Variants in CEP85 observed in about 807,000 individuals in gnomAD.
CEP85 encodes centrosomal protein of 85 kDa.
Under a neutral mutation model 93.7 loss-of-function variants are expected in CEP85, and 58 were observed. That is an observed-to-expected ratio of 0.62 (90% CI 0.50 to 0.77). CEP85 has a LOEUF of 0.77. Among genes scored for constraint, CEP85 ranks in the 30% least tolerant of loss-of-function variants. The pLI is 0.00. For missense variants in CEP85, 868 were observed against 922.0 expected (o/e 0.94, Z 0.76); for synonymous variants, 314 against 338.6 (o/e 0.93, Z 0.80).
intron 11 of CEP85, 41 bp from the exon 12 acceptor site, chr1:26,274,923 A>G: frequency 2.7e-6 from 4 of 1,487,154 alleles, no homozygotes; most frequent in Non-Finnish European, 3.7e-6. Context: ...CAGACTTGTT[A>G]CCCCTACTGT....
intron 1 of CEP85, among the ~76,000 whole-genome samples, chr1:26,234,871 GA>G (rs2089299933): frequency 6.6e-6 from 1 of 152,198 alleles, no homozygotes; most frequent in South Asian, 2.1e-4. Flanking sequence ...CTTCCCTGGG[GA>G]CATTGGTCGA....
In CEP85 at chr1:26,271,117, G is replaced by C. The variant is rs775875408; in HGVS notation, c.1743+10G>C. On this transcript the variant is annotated intron_variant, in intron 10 of 13. Transcript: ENST00000451429. ...CGATTCGCTCCAAAAGGTGACTGAGGGTGTCCAGGCTGTAACGGAGGGTAG... is the reference window on the plus strand; with the variant it reads ...CGATTCGCTCCAAAAGGTGACTGAGCGTGTCCAGGCTGTAACGGAGGGTAG... 1.3e-6 allele frequency: 2 copies of C among 1,571,306 alleles called. No individual in the cohort carries two copies. Among genetic ancestry groups the C allele is most frequent in the Admixed American group, 3.3e-5 (2 of 59,926 alleles).
chr1:26,256,065 A>G (rs1388841626), intron 4 of CEP85, among the ~76,000 whole-genome samples, 200 bp downstream of exon 4: 3 of 152,234 alleles, frequency 2.0e-5, no homozygotes, highest in Non-Finnish European at 4.4e-5. Flanking sequence ...AGGGTCTCCA[A>G]AATAGCAAAA....
chr1:26,241,216 T>C (rs985832618), intron 2 of CEP85, among the ~76,000 whole-genome samples: 1 of 148,394 alleles, frequency 6.7e-6, no homozygotes, highest in East Asian at 1.9e-4. Flanking sequence ...AAGCTTTGGT[T>C]GAATCAATTC....
intron 11 of CEP85, among the ~76,000 whole-genome samples, chr1:26,273,924 A>ATAAC (rs1339125246): frequency 7.0e-6 from 1 of 143,004 alleles, no homozygotes; most frequent in Non-Finnish European, 1.5e-5. Context: ...AAATAAATAA[A>ATAAC]TAAATAAAAT....
chr1:26,272,134 C>T (rs1450351760), intron 11 of CEP85, 63 bp downstream of exon 11: 2 of 1,520,736 alleles, frequency 1.3e-6, no homozygotes, highest in Admixed American at 1.7e-5. Flanking sequence ...AGAATTTAGC[C>T]AATATTTATT....
chr1:26,252,006 G>A (rs527726830), intron 3 of CEP85, among the ~76,000 whole-genome samples: 19 of 152,068 alleles, frequency 1.2e-4, no homozygotes, highest in Non-Finnish European at 2.6e-4. Flanking sequence ...GCCGAGACAG[G>A]TGAATCACTT....
At chr1:26,251,136 T>C (rs2089606727) in intron 3 of CEP85, among the ~76,000 whole-genome samples, 1 of 150,846 alleles carries the variant, frequency 6.6e-6, no homozygotes, top group African/African-American at 2.4e-5. Context: ...AGAGATGGGG[T>C]TTCACCATGT....
At chr1:26,276,009 G>A (rs576482711) in intron 12 of CEP85, among the ~76,000 whole-genome samples, 6 of 152,232 alleles carry the variant, frequency 3.9e-5, no homozygotes, top group Non-Finnish European at 5.9e-5. Context: ...CCAGGTTCCA[G>A]CTTCTCCAGC....
At chr1:26,248,320 T>C (rs1463480162) in intron 3 of CEP85, among the ~76,000 whole-genome samples, 5 of 152,298 alleles carry the variant, frequency 3.3e-5, no homozygotes, top group African/African-American at 1.2e-4. Context: ...TGGTCTAGAT[T>C]TTTCCCCCAT....
At chr1:26,238,110 A>C (rs1248786070) in intron 1 of CEP85, among the ~76,000 whole-genome samples, 1 of 150,306 alleles carries the variant, frequency 6.7e-6, no homozygotes, top group Admixed American at 6.6e-5. Flanking sequence ...AGAGAATACT[A>C]TAGAGGTCAC....
At chr1:26,256,351 T>TG (rs2089700965) in intron 4 of CEP85, among the ~76,000 whole-genome samples, 1 of 151,666 alleles carries the variant, frequency 6.6e-6, no homozygotes, top group African/African-American at 2.4e-5. Context: ...GCCAGCAGAG[T>TG]GAAACCCTGC....
At chr1:26,241,505 A>G (rs2089425696) in intron 2 of CEP85, among the ~76,000 whole-genome samples, 1 of 152,096 alleles carries the variant, frequency 6.6e-6, no homozygotes, top group African/African-American at 2.4e-5. Context: ...GGGCCTCGCA[A>G]AGTGCTGGGA....
intron 10 of CEP85, chr1:26,271,483 A>C (rs902122878): frequency 5.7e-6 from 1 of 174,498 alleles, no homozygotes; most frequent in Non-Finnish European, 1.2e-5. Flanking sequence ...TTAATTCAGC[A>C]AAGACGAGAG....
chr1:26,272,090 G>A lies in CEP85; in HGVS notation c.1794+19G>A, dbSNP rs1466766878. ...AGTACAGGTGAGCAGGAATCCTTGG[G>A]ACATGGTGGGCAGAACTTAATGATG... On this transcript the variant is annotated intron_variant, in intron 11 of 13. Coordinates refer to ENST00000451429, the MANE Select transcript of CEP85 (RefSeq NM_001319944.2). 2 of 1,611,068 alleles carry A rather than the reference G, an allele frequency of 1.2e-6. No individual in the cohort carries two copies. Among genetic ancestry groups the A allele is most frequent in the Non-Finnish European group, 1.7e-6 (2 of 1,177,488 alleles).
At chr1:26,265,613 C>G (rs1429687712) in intron 7 of CEP85, among the ~76,000 whole-genome samples, 2 of 152,258 alleles carry the variant, frequency 1.3e-5, no homozygotes, top group East Asian at 3.9e-4. Flanking sequence ...TATTTTTCAG[C>G]TCTGTGGTTG....
At chr1:26,275,203 G>A in intron 12 of CEP85, 132 bp downstream of exon 12, 2 of 627,388 alleles carry the variant, frequency 3.2e-6, no homozygotes, top group South Asian at 1.9e-5. Context: ...TCTGGGGGCA[G>A]AGGAAAGGTG....
intron 1 of CEP85, among the ~76,000 whole-genome samples, chr1:26,237,755 T>C (rs2089348725): frequency 6.6e-6 from 1 of 152,296 alleles, no homozygotes; most frequent in Admixed American, 6.5e-5. Flanking sequence ...TCTCCTTCTG[T>C]CACCGTATTT....
At chr1:26,238,472 A>C (rs941062495) in intron 1 of CEP85, among the ~76,000 whole-genome samples, 28 of 152,084 alleles carry the variant, frequency 1.8e-4, no homozygotes, top group African/African-American at 6.0e-4. Context: ...CTGGGATTAC[A>C]GGCGTGAGCC....
Sources: gnomAD v4.1 joint callset for allele counts (sites outside exome capture counted in the v4.1 genomes callset) on GRCh38, gnomAD v4.1.1 for gene constraint, MANE v1.5 for transcripts, NCBI Gene and HGNC (gene_info 2026-07-23, HGNC 2026-07-21) for gene names.